The following ANKFN1 variants were observed in gnomAD, a reference collection of about 807,000 sequenced individuals.
ANKFN1 encodes the protein ankyrin repeat and fibronectin type III domain containing 1, also known as ankyrin repeat and fibronectin type-III domain-containing protein 1.
Under a neutral mutation model 108.7 loss-of-function variants are expected in ANKFN1, and 74 were observed. That is an observed-to-expected ratio of 0.68 (90% CI 0.56 to 0.83). The LOEUF is 0.83. Ranked by LOEUF, ANKFN1 falls within the 40% of genes least tolerant of loss-of-function variation. The probability of loss-of-function intolerance (pLI) is 0.00; values close to 1 mark genes in which losing one functional copy is unlikely to be tolerated. For missense variants in ANKFN1, 1,505 were observed against 1,382.3 expected, an observed-to-expected ratio of 1.09 and a Z score of -1.41; for synonymous variants, 547 against 516.2, an observed-to-expected ratio of 1.06 and a Z score of -0.81.
intron 1 of ANKFN1, among the ~76,000 whole-genome samples, chr17:56,177,360 A>T (rs905563437): frequency 6.6e-6 from 1 of 152,224 alleles, no homozygotes; most frequent in African/African-American, 2.4e-5. Flanking sequence ...GTTTCCCAGC[A>T]TGGGAATGAA....
At chr17:56,322,332 A>T (rs895075699) in intron 3 of ANKFN1, among the ~76,000 whole-genome samples, 1 of 151,936 alleles carries the variant, frequency 6.6e-6, no homozygotes, top group African/African-American at 2.4e-5. Context: ...CAAATATAAG[A>T]CTTTCATCTC....
At chr17:56,312,654 A>G (rs1178689043) in intron 3 of ANKFN1, among the ~76,000 whole-genome samples, 2 of 152,024 alleles carry the variant, frequency 1.3e-5, no homozygotes, top group African/African-American at 4.8e-5. Context: ...TTCCAGCCTC[A>G]CACCTCTCCA....
intron 8 of ANKFN1, among the ~76,000 whole-genome samples, chr17:56,431,744 G>A (rs2048763379): frequency 1.3e-5 from 2 of 152,214 alleles, no homozygotes; most frequent in Admixed American, 6.5e-5. Flanking sequence ...CTCAGCATCT[G>A]GCAAGAAAGT....
At chr17:56,323,135 G>A (rs1177754591) in intron 3 of ANKFN1, 1 of 152,170 alleles carries the variant, frequency 6.6e-6, no homozygotes, top group Non-Finnish European at 1.5e-5. Flanking sequence ...GTGGAATTGG[G>A]TGGAGGGGAA....
chr17:56,443,066 C>A, intron 10 of ANKFN1, 133 bp downstream of exon 10: 1 of 743,540 alleles, frequency 1.3e-6, no homozygotes, highest in South Asian at 1.9e-5. Flanking sequence ...GCATCTGGGC[C>A]ACATAATGAA....
intron 8 of ANKFN1, among the ~76,000 whole-genome samples, chr17:56,398,988 C>T (rs2047670810): frequency 6.6e-6 from 1 of 151,798 alleles, no homozygotes; most frequent in Non-Finnish European, 1.5e-5. Flanking sequence ...CCAATGGATT[C>T]GAAAGGAAAA....
At chr17:56,195,741 T>C (rs1913447052) in intron 1 of ANKFN1, among the ~76,000 whole-genome samples, 1 of 152,154 alleles carries the variant, frequency 6.6e-6, no homozygotes, top group African/African-American at 2.4e-5. Flanking sequence ...AGCGTATTAT[T>C]CTCTTTGCTC....
chr17:56,079,726 C>T (rs894722732), intron 4 of ANKFN1, among the ~76,000 whole-genome samples: 15 of 152,190 alleles, frequency 9.9e-5, no homozygotes, highest in African/African-American at 3.6e-4. Context: ...TATCACAGTT[C>T]TGAGGATAAA....
At chr17:56,311,465 C>T (rs2144441624) in intron 3 of ANKFN1, among the ~76,000 whole-genome samples, 1 of 152,318 alleles carries the variant, frequency 6.6e-6, no homozygotes. Flanking sequence ...CAATGTGATG[C>T]TACAAACTAC....
chr17:56,085,721 A>G (rs1905304109), intron 4 of ANKFN1, among the ~76,000 whole-genome samples: 2 of 151,216 alleles, frequency 1.3e-5, no homozygotes, highest in South Asian at 4.2e-4. Context: ...ATTTGGTTCA[A>G]CTCAAAGCTC....
intron 3 of ANKFN1, among the ~76,000 whole-genome samples, chr17:56,319,711 G>T (rs935335311): frequency 6.6e-6 from 1 of 152,158 alleles, no homozygotes; most frequent in Non-Finnish European, 1.5e-5. Flanking sequence ...CTTTTAAAGA[G>T]AGTTAGGTGA....
chr17:56,351,088 T>G, intron 5 of ANKFN1, 121 bp downstream of exon 5: 1 of 948,568 alleles, frequency 1.1e-6, no homozygotes, highest in Non-Finnish European at 1.6e-6. Context: ...TTATAAATGC[T>G]GGAATAGATT....
chr17:56,327,140 C>G (rs2045539524), intron 4 of ANKFN1, among the ~76,000 whole-genome samples: 1 of 152,188 alleles, frequency 6.6e-6, no homozygotes, highest in South Asian at 2.1e-4. Context: ...TGCTTCTGTA[C>G]TGGGCTCCAA....
At chr17:56,346,357 G>A (rs949015336) in intron 4 of ANKFN1, among the ~76,000 whole-genome samples, 8 of 152,168 alleles carry the variant, frequency 5.3e-5, no homozygotes, top group Non-Finnish European at 7.4e-5. Context: ...GCTTAGGATT[G>A]TCTTGGCTAT....
chr17:56,491,611 A>T (rs2051042466), intron 18 of ANKFN1, among the ~76,000 whole-genome samples: 1 of 152,194 alleles, frequency 6.6e-6, no homozygotes, highest in Non-Finnish European at 1.5e-5. Context: ...AGCTCATATC[A>T]TCCATCCAGA....
At chr17:56,296,857 C>G (rs1419339017) in intron 3 of ANKFN1, among the ~76,000 whole-genome samples, 1 of 152,142 alleles carries the variant, frequency 6.6e-6, no homozygotes, top group African/African-American at 2.4e-5. Flanking sequence ...TGCTGAACTC[C>G]CAGGGCTCAT....
chr17:56,293,916 C>A (rs1043471270), intron 3 of ANKFN1, among the ~76,000 whole-genome samples: 1 of 152,178 alleles, frequency 6.6e-6, no homozygotes, highest in Admixed American at 6.5e-5. Flanking sequence ...ATGCAGGCCC[C>A]CACAAGCTTT....
At chr17:56,226,394 T>A (rs1353337388) in intron 2 of ANKFN1, among the ~76,000 whole-genome samples, 1 of 152,142 alleles carries the variant, frequency 6.6e-6, no homozygotes, top group Middle Eastern at 3.2e-3. Context: ...ATTTAACAAT[T>A]TGTCAATCCA....
chr17:56,223,694 A>C (rs755520747), intron 2 of ANKFN1, among the ~76,000 whole-genome samples: 16 of 152,226 alleles, frequency 1.1e-4, no homozygotes, highest in Non-Finnish European at 1.5e-4. Flanking sequence ...TTGTGGGTCA[A>C]ATCAGAACCC....
Sources: allele counts gnomAD v4.1 joint callset (sites outside exome capture counted in the v4.1 genomes callset), GRCh38; gene constraint gnomAD v4.1.1; transcripts MANE v1.5; gene names NCBI Gene and HGNC (gene_info 2026-07-23, HGNC 2026-07-21).